The following ZCCHC14 variants were observed in gnomAD, a reference collection of about 807,000 sequenced individuals.
The protein encoded by ZCCHC14 is zinc finger CCHC-type containing 14.
Under a neutral mutation model 85.0 loss-of-function variants are expected in ZCCHC14, and 16 were observed. That is an observed-to-expected ratio of 0.19 (90% CI 0.13 to 0.29). The LOEUF (loss-of-function observed/expected upper bound fraction) is 0.29, where lower values mean the gene tolerates loss of function less well. Ranked by LOEUF, ZCCHC14 falls within the 10% of genes least tolerant of loss-of-function variation. The pLI is 1.00. For synonymous variants in ZCCHC14, 775 were observed against 630.7 expected (o/e 1.23, Z -3.43); for missense variants, 1,303 against 1,443.5 (o/e 0.90, Z 1.58).
chr16:87,411,680 T>A lies in ZCCHC14; in HGVS notation c.3041A>T (p.Asn1014Ile), dbSNP rs1253429771. 1.2e-6 allele frequency: 2 copies of A among 1,614,070 alleles called. No homozygotes were observed. The highest frequency in any genetic ancestry group is 3.3e-5 in the Admixed American group (2 of 60,032). Reference sequence around the variant, plus strand: ...CACCCCTGCTGTCCCTGCCATGAAGTTCTGCATGGGTGGCACGGCAAACGT... The same window carrying A: ...CACCCCTGCTGTCCCTGCCATGAAGATCTGCATGGGTGGCACGGCAAACGT... ...QSTFAVPPMQ[N>I]FMAGTAGVYQ... is the part of the protein sequence containing the mutation. The change falls in exon 12 of 13, where the codon AAC (asparagine) becomes ATC (isoleucine). Residue 1014 changes from asparagine (N) to isoleucine (I), a missense_variant. By Grantham distance (149) the Asn-to-Ile change is moderately radical. Coordinates refer to ENST00000671377, the MANE Select transcript of ZCCHC14 (RefSeq NM_015144.3).
At chr16:87,442,870 G>C (rs936481203) in intron 2 of ZCCHC14, among the ~76,000 whole-genome samples, 1 of 152,168 alleles carries the variant, frequency 6.6e-6, no homozygotes, top group Admixed American at 6.5e-5. Flanking sequence ...AAGTACTAAA[G>C]GCAAATAACT....
intron 2 of ZCCHC14, among the ~76,000 whole-genome samples, chr16:87,434,285 T>C (rs1332073731): frequency 6.6e-6 from 1 of 152,228 alleles, no homozygotes; most frequent in Non-Finnish European, 1.5e-5. Flanking sequence ...AGTTTCTGAC[T>C]CAGCCTCATC....
intron 2 of ZCCHC14, among the ~76,000 whole-genome samples, chr16:87,450,330 G>C (rs1343391951): frequency 6.6e-6 from 1 of 152,160 alleles, no homozygotes; most frequent in African/African-American, 2.4e-5. Flanking sequence ...ATTTCTAGAA[G>C]CATTACCTCT....
chr16:87,450,961 C>T (rs188213955), intron 2 of ZCCHC14, among the ~76,000 whole-genome samples: 163 of 151,586 alleles, frequency 1.1e-3, no homozygotes, highest in African/African-American at 3.5e-3. Flanking sequence ...CGTAATGGCA[C>T]GATCTTGCCT....
chr16:87,448,197 G>C (rs1260271217), intron 2 of ZCCHC14, among the ~76,000 whole-genome samples: 3 of 152,044 alleles, frequency 2.0e-5, no homozygotes, highest in Non-Finnish European at 4.4e-5. Flanking sequence ...TCCAAAATCT[G>C]AAACATTTTG....
chr16:87,477,142 C>CAAAAAAA (rs1567542354), intron 1 of ZCCHC14, among the ~76,000 whole-genome samples: 3 of 78,606 alleles, frequency 3.8e-5, no homozygotes, highest in South Asian at 3.1e-4. Context: ...AAAAAAAAAA[C>CAAAAAAA]AAAACAAAAC....
chr16:87,422,741 A>G (rs1909167822), intron 4 of ZCCHC14, among the ~76,000 whole-genome samples: 1 of 151,584 alleles, frequency 6.6e-6, no homozygotes, highest in South Asian at 2.1e-4. Context: ...ATCTCAAAGA[A>G]AAAAAAAACA....
intron 1 of ZCCHC14, among the ~76,000 whole-genome samples, chr16:87,460,575 A>G (rs1911210188): frequency 6.6e-6 from 1 of 152,262 alleles, no homozygotes; most frequent in South Asian, 2.1e-4. Flanking sequence ...CTATAGTCCC[A>G]GCTACTCGGG....
chr16:87,477,134 A>C (rs1275249937), intron 1 of ZCCHC14, among the ~76,000 whole-genome samples: 2 of 144,212 alleles, frequency 1.4e-5, no homozygotes, highest in South Asian at 2.2e-4. Flanking sequence ...AAAAAAAAAA[A>C]AAAAAAACAA....
At chr16:87,443,464 G>A (rs907741293) in intron 2 of ZCCHC14, among the ~76,000 whole-genome samples, 4 of 152,192 alleles carry the variant, frequency 2.6e-5, no homozygotes, top group African/African-American at 7.2e-5. Context: ...GGCCAGGCAT[G>A]GGGGCTCACA....
At chr16:87,442,711 G>A (rs1451678085) in intron 2 of ZCCHC14, among the ~76,000 whole-genome samples, 5 of 152,156 alleles carry the variant, frequency 3.3e-5, no homozygotes, top group African/African-American at 7.2e-5. Context: ...ACCCACACAC[G>A]TCATAAGCAC....
intron 1 of ZCCHC14, chr16:87,471,000 G>A (rs1407909458): frequency 6.6e-6 from 1 of 151,786 alleles, no homozygotes; most frequent in African/African-American, 2.4e-5. Context: ...GAAAAGTATA[G>A]AAAAAGCAAG....
At chr16:87,448,972 C>T (rs1037044424) in intron 2 of ZCCHC14, among the ~76,000 whole-genome samples, 4 of 152,226 alleles carry the variant, frequency 2.6e-5, no homozygotes, top group African/African-American at 4.8e-5. Context: ...CAGAAGCGAC[C>T]GTGTGCCGGC....
At chr16:87,423,981 C>T in intron 3 of ZCCHC14, 100 bp from the exon 4 acceptor site, 1 of 1,321,878 alleles carries the variant, frequency 7.6e-7, no homozygotes, top group Non-Finnish European at 1.1e-6. Flanking sequence ...CAGTCGGCAG[C>T]TGAGCCCAGT....
intron 4 of ZCCHC14, among the ~76,000 whole-genome samples, chr16:87,423,381 C>G (rs1403353314): frequency 2.0e-5 from 3 of 152,076 alleles, no homozygotes; most frequent in East Asian, 3.9e-4. Context: ...GATCCAGTCT[C>G]TTAAAAAAAT....
At chr16:87,464,499 C>T (rs754634283) in intron 1 of ZCCHC14, among the ~76,000 whole-genome samples, 3 of 152,170 alleles carry the variant, frequency 2.0e-5, no homozygotes, top group Non-Finnish European at 4.4e-5. Flanking sequence ...CTTTTCCCCA[C>T]GCAGACAGGA....
chr16:87,472,625 T>C (rs1021519908), intron 1 of ZCCHC14: 2 of 152,380 alleles, frequency 1.3e-5, no homozygotes, highest in South Asian at 2.1e-4. Context: ...TGACAGGACA[T>C]GGCCACGTGG....
intron 3 of ZCCHC14, among the ~76,000 whole-genome samples, chr16:87,424,241 G>C (rs923539634): frequency 6.6e-6 from 1 of 152,208 alleles, no homozygotes; most frequent in African/African-American, 2.4e-5. Context: ...ATGTGCCTCA[G>C]ATGCAAGAGC....
Position 87,491,484 on chromosome 16 carries a change from G to A in ZCCHC14, c.570+185C>T, listed in dbSNP as rs879821442. ...GGGCACACATTTGGGGTGCGACATA[G>A]AGGCTTAGGATGGGGCTTGGGATAC... On this transcript the variant is annotated intron_variant, in intron 1 of 12. Transcript: ENST00000671377. This position sits in a 1 kb window ranked among gnomAD's most constrained non-coding sequence, Gnocchi z 5.9. Among the ~76,000 whole-genome samples, 68 of 151,956 alleles carry A rather than the reference G, an allele frequency of 4.5e-4. No homozygotes were observed. Among genetic ancestry groups the A allele is most frequent in the Non-Finnish European group, 8.8e-4 (60 of 67,984 alleles).
Sources: allele counts gnomAD v4.1 joint callset (sites outside exome capture counted in the v4.1 genomes callset), GRCh38; gene constraint gnomAD v4.1.1; non-coding constraint Gnocchi (gnomAD v3.1); transcripts MANE v1.5; gene names NCBI Gene and HGNC (gene_info 2026-07-23, HGNC 2026-07-21).